Variants in CPED1 observed in about 807,000 individuals in gnomAD.
The protein encoded by CPED1 is cadherin like and PC-esterase domain containing 1.
In CPED1, 114 loss-of-function variants were observed where a neutral mutation model predicts 128.2. That is an observed-to-expected ratio of 0.89 (90% CI 0.76 to 1.04). The LOEUF (loss-of-function observed/expected upper bound fraction) is 1.04. Ranked by LOEUF, CPED1 falls within the 50% of genes least tolerant of loss-of-function variation. The pLI is 0.00. For synonymous variants in CPED1, 462 were observed against 426.7 expected (o/e 1.08, Z -1.02); for missense variants, 1,211 against 1,207.1 (o/e 1.00, Z -0.05).
In CPED1 at chr7:121,019,115, T is replaced by C. The variant is rs147485538; in HGVS notation, c.433+3267T>C. Among the ~76,000 whole-genome samples, 176 of 152,116 alleles carry C rather than the reference T, an allele frequency of 1.2e-3. 1 individual carries two copies. The highest frequency in any genetic ancestry group is 4.0e-3 in the African/African-American group (167 of 41,534). ...CTATGACTTATATACTAGACACTTA[T>C]TGAAAAGGAAGAAGTAGGCAGTTTC... On this transcript the variant is annotated intron_variant, in intron 3 of 22. Coordinates refer to ENST00000310396, the MANE Select transcript of CPED1 (RefSeq NM_024913.5).
At chr7:121,251,217 CAT>C (rs1382965058) in intron 18 of CPED1, among the ~76,000 whole-genome samples, 4 of 152,124 alleles carry the variant, frequency 2.6e-5, no homozygotes, top group African/African-American at 9.7e-5. Context: ...ACAAAAACCA[CAT>C]GATTATCTCA....
chr7:121,286,936 A>C (rs1792591108), intron 22 of CPED1, among the ~76,000 whole-genome samples: 1 of 152,200 alleles, frequency 6.6e-6, no homozygotes, highest in Non-Finnish European at 1.5e-5. Flanking sequence ...CAGAAGGCAA[A>C]GAGGAAGCAG....
At chr7:121,026,827 CTTTTTTT>C (rs71170219) in intron 3 of CPED1, among the ~76,000 whole-genome samples, 2 of 83,470 alleles carry the variant, frequency 2.4e-5, no homozygotes, top group South Asian at 4.8e-4. Flanking sequence ...CCTGTCAGTT[CTTTTTTT>C]TTTTTTTTTT....
chr7:121,161,509 A>G (rs190501185), intron 16 of CPED1, among the ~76,000 whole-genome samples: 83 of 152,228 alleles, frequency 5.5e-4, no homozygotes, highest in African/African-American at 1.9e-3. Flanking sequence ...TTAGCTCCCT[A>G]ATTTAAGGTC....
At chr7:121,147,538 A>G (rs1796051954) in intron 16 of CPED1, among the ~76,000 whole-genome samples, 2 of 152,144 alleles carry the variant, frequency 1.3e-5, no homozygotes, top group South Asian at 2.1e-4. Context: ...TGCTATACAC[A>G]TAGGGGAATG....
intron 3 of CPED1, among the ~76,000 whole-genome samples, chr7:121,029,428 A>C (rs992343159): frequency 6.6e-6 from 1 of 152,222 alleles, no homozygotes; most frequent in Non-Finnish European, 1.5e-5. Context: ...GTGAAATTTC[A>C]AATTCATAGT....
In CPED1 at chr7:121,266,182, T is replaced by C. The variant is rs769946131; in HGVS notation, c.2311-45T>C. 11 of 1,449,642 alleles carry C rather than the reference T, an allele frequency of 7.6e-6. No homozygotes were observed. The East Asian group carries it at 1.6e-4, about 21-fold the overall frequency. The allele number at this position is 1,449,642 out of a possible 1,614,324, so 89.8% of individuals were successfully genotyped here. ...TTATTTTAAACTATCTCCTGTACCA[T>C]GTAAACATAAGCTTTTAAACAAATG... On this transcript the variant is annotated intron_variant, in intron 18 of 22. Transcript: ENST00000310396.
rs146449882 is a variant in CPED1 at position 121,140,413 on chromosome 7, T to C, written c.1700-414T>C. Reference sequence around the variant, plus strand: ...TCAATGACACTCCACATTAAGAAATTTTCCTCATTCCTTGCGGGTCCTCTT... The same window carrying C: ...TCAATGACACTCCACATTAAGAAATCTTCCTCATTCCTTGCGGGTCCTCTT... On this transcript the variant is annotated intron_variant, in intron 14 of 22. Transcript: ENST00000310396. 3.2e-3 allele frequency among the ~76,000 whole-genome samples: 488 copies of C among 152,086 alleles called. 2 individuals are homozygous for C. Among genetic ancestry groups the C allele is most frequent in the African/African-American group, 0.011 (460 of 41,514 alleles).
chr7:121,097,875 G>A, intron 6 of CPED1, 44 bp downstream of exon 6: 1 of 1,604,512 alleles, frequency 6.2e-7, no homozygotes, highest in Non-Finnish European at 8.5e-7. Flanking sequence ...ATGCATTGTA[G>A]GAGACAGCTA....
At chr7:121,284,926 A>T (rs1390065964) in intron 22 of CPED1, among the ~76,000 whole-genome samples, 1 of 152,164 alleles carries the variant, frequency 6.6e-6, no homozygotes, top group Non-Finnish European at 1.5e-5. Flanking sequence ...GCAGTGCCCC[A>T]GTGGGGTCAC....
chr7:120,992,409 A>G (rs1796323200), intron 2 of CPED1, among the ~76,000 whole-genome samples: 1 of 152,196 alleles, frequency 6.6e-6, no homozygotes, highest in Non-Finnish European at 1.5e-5. Flanking sequence ...GTATACATCC[A>G]TGACATTTTA....
intron 3 of CPED1, among the ~76,000 whole-genome samples, chr7:121,029,914 T>C (rs927374773): frequency 2.6e-5 from 4 of 152,190 alleles, no homozygotes; most frequent in Admixed American, 2.0e-4. Context: ...TGGCATTTTA[T>C]AGTGCTTTGA....
At chr7:121,082,274 A>G (rs1235725353) in intron 5 of CPED1, among the ~76,000 whole-genome samples, 5 of 152,202 alleles carry the variant, frequency 3.3e-5, no homozygotes, top group African/African-American at 9.7e-5. Flanking sequence ...ATAATATATA[A>G]GAGATTATGT....
At chr7:121,275,457 G>C (rs1346496065) in intron 22 of CPED1, among the ~76,000 whole-genome samples, 1 of 152,170 alleles carries the variant, frequency 6.6e-6, no homozygotes. Context: ...TGGTGCCTTC[G>C]GTTATGTGGC....
At chr7:121,173,671 T>C (rs1182286307) in intron 16 of CPED1, among the ~76,000 whole-genome samples, 1 of 152,150 alleles carries the variant, frequency 6.6e-6, no homozygotes, top group Non-Finnish European at 1.5e-5. Flanking sequence ...ATTGCTGTTG[T>C]GAATAGTGCT....
intron 14 of CPED1, among the ~76,000 whole-genome samples, chr7:121,138,930 C>T (rs559700378): frequency 4.0e-5 from 6 of 151,732 alleles, no homozygotes; most frequent in South Asian, 2.1e-4. Context: ...GTGCTTATCT[C>T]GGGGTCTTTA....
rs1383935246 is a variant in CPED1 at position 121,198,226 on chromosome 7, C to T, written c.2056-38488C>T. 2.0e-5 allele frequency among the ~76,000 whole-genome samples: 3 copies of T among 152,008 alleles called. No individual in the cohort carries two copies. The East Asian group carries it at 5.8e-4, about 29-fold the overall frequency. On this transcript the variant is annotated intron_variant, in intron 16 of 22. Coordinates refer to ENST00000310396, the MANE Select transcript of CPED1 (RefSeq NM_024913.5). ...TTGGCATTTATAAACTAGACAATCT[C>T]AAAAAATGTTATTGAACCAAACTGA...
intron 3 of CPED1, among the ~76,000 whole-genome samples, chr7:121,034,032 G>A (rs754674884): frequency 1.3e-5 from 2 of 152,054 alleles, no homozygotes; most frequent in Non-Finnish European, 2.9e-5. Context: ...ACAGGAAGAA[G>A]GAATAATATT....
intron 7 of CPED1, among the ~76,000 whole-genome samples, chr7:121,113,005 G>T (rs1375227733): frequency 6.6e-6 from 1 of 152,174 alleles, no homozygotes; most frequent in Non-Finnish European, 1.5e-5. Flanking sequence ...GACTAAAAGA[G>T]AAGTAAGTTT....
Sources: allele counts gnomAD v4.1 joint callset (sites outside exome capture counted in the v4.1 genomes callset), GRCh38; gene constraint gnomAD v4.1.1; transcripts MANE v1.5; gene names NCBI Gene and HGNC (gene_info 2026-07-23, HGNC 2026-07-21).